The following CORIN variants were observed in gnomAD, a reference collection of about 807,000 sequenced individuals.
The protein encoded by CORIN is corin, serine peptidase.
A neutral mutation model predicts 125.3 loss-of-function variants in CORIN; 117 were observed. The observed-to-expected ratio is 0.93, with a 90% CI of 0.80 to 1.09. The LOEUF is 1.09. Ranked by LOEUF, CORIN falls within the 50% of genes least tolerant of loss-of-function variation. The pLI, the probability that CORIN is intolerant of heterozygous loss-of-function variation, is 0.00. For missense variants in CORIN, 1,253 were observed against 1,306.7 expected, an observed-to-expected ratio of 0.96 and a Z score of 0.63; for synonymous variants, 450 against 466.4, an observed-to-expected ratio of 0.96 and a Z score of 0.45.
chr4:47,623,115 T>C (rs200579360), intron 19 of CORIN, among the ~76,000 whole-genome samples: 1 of 135,100 alleles, frequency 7.4e-6, no homozygotes, highest in African/African-American at 3.2e-5. Context: ...TATATATATA[T>C]ATACACACAC....
chr4:47,596,463 G>A (rs1410464213), intron 21 of CORIN, among the ~76,000 whole-genome samples: 1 of 152,038 alleles, frequency 6.6e-6, no homozygotes, highest in Admixed American at 6.6e-5. Flanking sequence ...TACAAAATAA[G>A]ACCACTTAAA....
chr4:47,642,734 C>G (rs1206050548), intron 15 of CORIN: 2 of 832,116 alleles, frequency 2.4e-6, no homozygotes, highest in Non-Finnish European at 3.6e-6. Flanking sequence ...AGGAGCTAGA[C>G]AGTTAGAAGT....
At chr4:47,787,968 A>G (rs915807966) in intron 2 of CORIN, among the ~76,000 whole-genome samples, 1 of 152,256 alleles carries the variant, frequency 6.6e-6, no homozygotes, top group East Asian at 1.9e-4. Context: ...AAAACAAAGA[A>G]CCAAACCTAA....
chr4:47,642,304 T>C (rs1723264053), intron 15 of CORIN, among the ~76,000 whole-genome samples: 1 of 152,224 alleles, frequency 6.6e-6, no homozygotes, highest in African/African-American at 2.4e-5. Flanking sequence ...TCTTAACTTT[T>C]CTTAATGAGT....
chr4:47,690,758 A>G (rs899547146), intron 6 of CORIN, among the ~76,000 whole-genome samples: 1 of 152,182 alleles, frequency 6.6e-6, no homozygotes, highest in African/African-American at 2.4e-5. Context: ...TCCAAGGCCT[A>G]ATTCAGACTT....
At chr4:47,829,231 A>G (rs1732872210) in intron 1 of CORIN, among the ~76,000 whole-genome samples, 1 of 148,552 alleles carries the variant, frequency 6.7e-6, no homozygotes, top group Non-Finnish European at 1.5e-5. Context: ...TATTAAAATT[A>G]TGAAATCTTG....
chr4:47,729,839 C>A (rs561519412), intron 5 of CORIN, among the ~76,000 whole-genome samples: 1 of 152,126 alleles, frequency 6.6e-6, no homozygotes. Flanking sequence ...TCAGTGAAAA[C>A]GGAATAACTT....
At chr4:47,781,321 T>C (rs1268568598) in intron 3 of CORIN, among the ~76,000 whole-genome samples, 1 of 152,234 alleles carries the variant, frequency 6.6e-6, no homozygotes, top group Non-Finnish European at 1.5e-5. Context: ...TTTTCAACTT[T>C]ACAATTGTGC....
intron 5 of CORIN, among the ~76,000 whole-genome samples, chr4:47,731,473 T>C (rs1452877722): frequency 6.6e-6 from 1 of 151,884 alleles, no homozygotes; most frequent in Non-Finnish European, 1.5e-5. Context: ...ACAGGTGAAA[T>C]GAGGCGAAAA....
rs1394777705 is a variant in CORIN, at chr4:47,595,859, C to T, written c.2991G>A (p.Arg997=). 6.2e-7 allele frequency: 1 copy of T among 1,613,684 alleles called. No homozygotes were observed. The highest frequency in any genetic ancestry group is 1.1e-5 in the South Asian group (1 of 91,038). Residue 997 remains arginine (R), a synonymous_variant, in exon 22 of 22, where the codon CGG becomes CGA. Transcript: ENST00000273857. ...GPLVCEKPGG[R]WTLFGLTSWG... ...ATGAAGTTAATCCAAATAATGTCCACCGTCCTCCAGGCTTCTCACAAACAA... is the reference window on the plus strand; with the variant it reads ...ATGAAGTTAATCCAAATAATGTCCATCGTCCTCCAGGCTTCTCACAAACAA...
rs755958788 is a variant in CORIN at position 47,680,146 on chromosome 4, T to C, written c.1127A>G (p.Asn376Ser). ...HDCVDKSDEV[N>S]CSCHSQGLVE... ...AACGTCCTCAGAGCACTCACAGCAG[T>C]TGACCTCGTCAGACTTATCCACACA... Residue 376 changes from asparagine (N) to serine (S), a missense_variant, in exon 8 of 22, where the codon AAC becomes AGC. By Grantham distance (46) the Asn-to-Ser change is conservative (BLOSUM62 1). Coordinates refer to ENST00000273857, the MANE Select transcript of CORIN (RefSeq NM_006587.4). The C allele has an allele frequency of 2.7e-5, 44 of 1,607,978 alleles. No individual in the cohort carries two copies. Among genetic ancestry groups the C allele is most frequent in the South Asian group, 2.5e-4 (23 of 90,968 alleles).
In CORIN at chr4:47,683,751, A is replaced by C. The variant is rs185899169; in HGVS notation, c.1001T>G (p.Leu334Trp). The C allele has an allele frequency of 1.5e-4, 241 of 1,613,266 alleles. 1 individual carries two copies. The East Asian group carries it at 5.2e-3, about 35-fold the overall frequency. The change falls in exon 7 of 22, where the codon TTG becomes TGG. Residue 334 changes from leucine (L) to tryptophan (W), a missense_variant. Coordinates refer to ENST00000273857, the MANE Select transcript of CORIN (RefSeq NM_006587.4). The stretch of plus-strand genomic sequence containing the variant: ...CTTACCACAGTTTTGCTCATCACTC[A>C]AATCCCCACAGTCATCATATCCATC... ...VCDGYDDCGD[L>W]SDEQNCDCNP...
intron 1 of CORIN, among the ~76,000 whole-genome samples, chr4:47,809,635 T>C (rs1444422584): frequency 6.6e-6 from 1 of 152,086 alleles, no homozygotes; most frequent in East Asian, 1.9e-4. Context: ...CTCGAACTCC[T>C]GACCCCGTGA....
chr4:47,809,467 C>A (rs972223657), intron 1 of CORIN, among the ~76,000 whole-genome samples: 1 of 140,634 alleles, frequency 7.1e-6, no homozygotes, highest in Non-Finnish European at 1.5e-5. Context: ...TGCAGTGGCA[C>A]AATCTTGGCT....
rs567689146 is a variant in CORIN, at chr4:47,786,097, T to C, written c.409+628A>G. 9.9e-5 allele frequency among the ~76,000 whole-genome samples: 15 copies of C among 152,242 alleles called. No homozygotes were observed. The South Asian group carries it at 1.5e-3, about 15-fold the overall frequency. ...AAGCTGAAGCGCAAACTTTCACAGATGAACCACTACAAAATCAATGCCACT... is the reference window on the plus strand; with the variant it reads ...AAGCTGAAGCGCAAACTTTCACAGACGAACCACTACAAAATCAATGCCACT... On this transcript the variant is annotated intron_variant, in intron 3 of 21. Transcript: ENST00000273857.
At chr4:47,789,885 G>T (rs1254997418) in intron 2 of CORIN, among the ~76,000 whole-genome samples, 1 of 152,140 alleles carries the variant, frequency 6.6e-6, no homozygotes, top group African/African-American at 2.4e-5. Context: ...AGCCGGGTGT[G>T]GTGGCGGGCG....
At chr4:47,623,176 C>T (rs1326787277) in intron 19 of CORIN, among the ~76,000 whole-genome samples, 3 of 151,246 alleles carry the variant, frequency 2.0e-5, no homozygotes, top group Non-Finnish European at 1.5e-5. Flanking sequence ...ATACCTTTAA[C>T]TCTGCTTCCC....
At chr4:47,821,339 G>T (rs917790865) in intron 1 of CORIN, among the ~76,000 whole-genome samples, 5 of 151,114 alleles carry the variant, frequency 3.3e-5, no homozygotes, top group Non-Finnish European at 5.9e-5. Context: ...ATACTTCAAT[G>T]ATTAGGAATA....
chr4:47,649,225 G>A (rs1400950839), intron 13 of CORIN, among the ~76,000 whole-genome samples: 2 of 152,170 alleles, frequency 1.3e-5, no homozygotes, highest in African/African-American at 4.8e-5. Context: ...GGAATGGATG[G>A]GACTTTAAAC....
Sources: allele counts gnomAD v4.1 joint callset (sites outside exome capture counted in the v4.1 genomes callset), GRCh38; gene constraint gnomAD v4.1.1; transcripts MANE v1.5; gene names NCBI Gene and HGNC (gene_info 2026-07-23, HGNC 2026-07-21).